The following PTPRM variants were observed in gnomAD, a reference collection of about 807,000 sequenced individuals.
PTPRM encodes the protein receptor-type tyrosine-protein phosphatase mu.
PTPRM carries 47 observed loss-of-function variants against 186.7 expected under a neutral mutation model. The ratio of observed to expected loss-of-function variants is 0.25; its 90% CI spans 0.20 to 0.32. The LOEUF (loss-of-function observed/expected upper bound fraction) is 0.32. Among genes scored for constraint, PTPRM ranks in the 10% least tolerant of loss-of-function variants. The pLI is 1.00. For missense variants in PTPRM, 1,494 were observed against 1,865.0 expected, an observed-to-expected ratio of 0.80 and a Z score of 3.66; for synonymous variants, 668 against 674.9, an observed-to-expected ratio of 0.99 and a Z score of 0.16.
At chr18:8,195,787 A>G (rs1489424997) in intron 14 of PTPRM, among the ~76,000 whole-genome samples, 1 of 152,200 alleles carries the variant, frequency 6.6e-6, no homozygotes, top group African/African-American at 2.4e-5. Context: ...TAATGGGTAC[A>G]GTGTACACTG....
chr18:7,797,135 A>C (rs1031035974), intron 2 of PTPRM, among the ~76,000 whole-genome samples: 1 of 152,126 alleles, frequency 6.6e-6, no homozygotes, highest in Non-Finnish European at 1.5e-5. Context: ...TGAAACGCCT[A>C]CTTGAGTCGA....
At chr18:8,135,173 T>G (rs2092608595) in intron 13 of PTPRM, among the ~76,000 whole-genome samples, 1 of 152,168 alleles carries the variant, frequency 6.6e-6, no homozygotes, top group Non-Finnish European at 1.5e-5. Context: ...TCTTCCAATC[T>G]CTACATACTG....
At chr18:8,299,064 A>G (rs4798623) in intron 20 of PTPRM, among the ~76,000 whole-genome samples, 5,788 of 152,040 alleles carry the variant, frequency 0.038, 157 homozygotes, top group East Asian at 0.069. Flanking sequence ...TTTCCTTTCT[A>G]TAAAACGTCT....
At chr18:8,380,160 A>T in intron 28 of PTPRM, 136 bp from the exon 29 acceptor site, 1 of 878,882 alleles carries the variant, frequency 1.1e-6, no homozygotes, top group Non-Finnish European at 1.7e-6. Flanking sequence ...TGGTGCTGAC[A>T]ATGGTGACAG....
chr18:7,830,229 C>G (rs1235712749), intron 2 of PTPRM, among the ~76,000 whole-genome samples: 2 of 152,184 alleles, frequency 1.3e-5, no homozygotes, highest in Non-Finnish European at 1.5e-5. Context: ...AGCCCCATCT[C>G]TGGCTGGAGG....
intron 20 of PTPRM, among the ~76,000 whole-genome samples, chr18:8,300,096 C>T (rs17568213): frequency 0.65 from 98,974 of 151,994 alleles, 32,874 homozygotes; most frequent in African/African-American, 0.75. Flanking sequence ...CATGAATTTG[C>T]AGTCTGTGGC....
chr18:8,067,247 T>C (rs968397308), intron 7 of PTPRM, among the ~76,000 whole-genome samples: 1 of 152,174 alleles, frequency 6.6e-6, no homozygotes, highest in Non-Finnish European at 1.5e-5. Flanking sequence ...GATCTGTGTA[T>C]GTATAGAGAT....
chr18:7,585,137 T>C (rs1476930243), intron 1 of PTPRM, among the ~76,000 whole-genome samples: 1 of 152,184 alleles, frequency 6.6e-6, no homozygotes, highest in Non-Finnish European at 1.5e-5. Context: ...GTCACCTAGG[T>C]AACTAGGAGG....
chr18:7,966,480 G>C (rs370292429), intron 7 of PTPRM, among the ~76,000 whole-genome samples: 3 of 152,000 alleles, frequency 2.0e-5, no homozygotes, highest in Admixed American at 6.5e-5. Context: ...GAACAGCTCC[G>C]GTCTACAGCT....
chr18:7,897,977 C>A (rs2146460941), intron 3 of PTPRM, among the ~76,000 whole-genome samples: 1 of 152,282 alleles, frequency 6.6e-6, no homozygotes, highest in South Asian at 2.1e-4. Context: ...AGCTCCATTG[C>A]AAATTTTGCT....
chr18:7,834,505 C>CACATACACACACACACACACACACAG (rs149491665), intron 2 of PTPRM, among the ~76,000 whole-genome samples: 1 of 143,782 alleles, frequency 7.0e-6, no homozygotes, highest in Non-Finnish European at 1.5e-5. Context: ...CACACACACA[C>CACATACACACACACACACACACACAG]ACACACACAC....
rs1599059005 is a variant in PTPRM at position 7,851,582 on chromosome 18, A to C, written c.197-36524A>C. Among the ~76,000 whole-genome samples, 3 of 152,284 alleles carry C rather than the reference A, an allele frequency of 2.0e-5. No homozygotes were observed. In the South Asian group the frequency reaches 6.2e-4, roughly 32 times the overall value. On this transcript the variant is annotated intron_variant, in intron 2 of 32. Transcript: ENST00000580170. ...AGAAAGGAAATATCCACCAACCCAG[A>C]ATTCTACTTCTAATGAAGGAGAAAT...
intron 7 of PTPRM, among the ~76,000 whole-genome samples, chr18:7,980,525 A>G (rs940313584): frequency 6.6e-6 from 1 of 152,082 alleles, no homozygotes; most frequent in African/African-American, 2.4e-5. Flanking sequence ...CTAGGACTAC[A>G]GGCACATGCC....
At chr18:8,063,013 T>C (rs1488287693) in intron 7 of PTPRM, among the ~76,000 whole-genome samples, 1 of 150,870 alleles carries the variant, frequency 6.6e-6, no homozygotes, top group African/African-American at 2.5e-5. Flanking sequence ...GCTGCTTTGT[T>C]TACCTAATCA....
intron 19 of PTPRM, among the ~76,000 whole-genome samples, chr18:8,254,091 G>A (rs1433089362): frequency 6.6e-6 from 1 of 152,166 alleles, no homozygotes; most frequent in Non-Finnish European, 1.5e-5. Flanking sequence ...AGACCAACCA[G>A]CAATGTCATG....
At chr18:8,187,192 G>A (rs971584607) in intron 14 of PTPRM, among the ~76,000 whole-genome samples, 9 of 152,046 alleles carry the variant, frequency 5.9e-5, no homozygotes, top group African/African-American at 1.4e-4. Context: ...CACCCTCCTC[G>A]GCCTTTCAAA....
intron 7 of PTPRM, among the ~76,000 whole-genome samples, chr18:8,040,304 T>C (rs1446769925): frequency 6.6e-6 from 1 of 152,156 alleles, no homozygotes; most frequent in African/African-American, 2.4e-5. Flanking sequence ...GAATTATTTT[T>C]CTATTTGGGT....
At chr18:8,071,786 A>G (rs569767994) in intron 8 of PTPRM, among the ~76,000 whole-genome samples, 9 of 152,246 alleles carry the variant, frequency 5.9e-5, no homozygotes, top group Admixed American at 3.9e-4. Context: ...CTCACATTTC[A>G]GGTCCTTCAC....
chr18:8,018,405 T>C (rs2085006658), intron 7 of PTPRM, among the ~76,000 whole-genome samples: 1 of 152,236 alleles, frequency 6.6e-6, no homozygotes, highest in African/African-American at 2.4e-5. Flanking sequence ...TGAGCAGAGC[T>C]GCAAGTTGCT....
Sources: gnomAD v4.1 joint callset for allele counts (sites outside exome capture counted in the v4.1 genomes callset) on GRCh38, gnomAD v4.1.1 for gene constraint, MANE v1.5 for transcripts, NCBI Gene and HGNC (gene_info 2026-07-23, HGNC 2026-07-21) for gene names.